The following ZNF48 variants were observed in gnomAD, a reference collection of about 807,000 sequenced individuals.
ZNF48 encodes zinc finger protein 553.
ZNF48 carries 20 observed loss-of-function variants against 40.0 expected under a neutral mutation model. The ratio of observed to expected loss-of-function variants is 0.50; its 90% CI spans 0.35 to 0.73. ZNF48 has a LOEUF of 0.73. ZNF48 is among the 30% of genes least tolerant of loss of function. ZNF48 has a pLI of 0.01. For missense variants in ZNF48, 726 were observed against 851.9 expected (o/e 0.85, Z 1.84); for synonymous variants, 298 against 329.7 (o/e 0.90, Z 1.04).
chr16:30,392,828 A>G (rs2049953003), upstream of ZNF48, among the ~76,000 whole-genome samples: 2 of 152,196 alleles, frequency 1.3e-5, no homozygotes, highest in Admixed American at 1.3e-4. Flanking sequence ...CATACAGTCA[A>G]TATAGAACCT....
intron 1 of ZNF48, chr16:30,380,944 T>C: frequency 1.5e-6 from 1 of 659,352 alleles, no homozygotes; most frequent in South Asian, 1.8e-5. Context: ...ATATGTAGCC[T>C]ATTTTGAGCC....
In ZNF48 at chr16:30,389,036, G is replaced by A. The variant is rs549490097; in HGVS notation, c.-15-6744G>A. On this transcript the variant is annotated intron_variant, in intron 1 of 2. Coordinates refer to the ZNF48 transcript ENST00000528032. The stretch of plus-strand genomic sequence containing the variant: ...AGCACTTTGGGAAGCTGAGGCAGGC[G>A]GATCATGAGATCAGGAGTTCGAGAC... Among the ~76,000 whole-genome samples, 9 of 152,268 alleles carry A rather than the reference G, an allele frequency of 5.9e-5. No individual in the cohort carries two copies. In the South Asian group the frequency reaches 6.2e-4, roughly 11 times the overall value.
intron 1 of ZNF48, among the ~76,000 whole-genome samples, chr16:30,383,450 A>G (rs1218948222): frequency 2.6e-5 from 4 of 152,100 alleles, no homozygotes; most frequent in Admixed American, 6.6e-5. Context: ...CGGCCTCCCA[A>G]ACTGCTGGGA....
At chr16:30,378,579 TCGGTCGGGGGGAAG>T in intron 1 of ZNF48, 1 of 1,608,574 alleles carries the variant, frequency 6.2e-7, no homozygotes, top group Non-Finnish European at 8.5e-7. Flanking sequence ...ACCTGGGGCA[TCGGTCGGGGGGAAG>T]CGAGGTGCGT....
Position 30,382,583 on chromosome 16 carries a change from A to G in ZNF48, c.-16+4173A>G, listed in dbSNP as rs762572616. The G allele has an allele frequency of 6.4e-7, 1 of 1,569,822 alleles. No individual in the cohort carries two copies. Among genetic ancestry groups the G allele is most frequent in the South Asian group, 1.2e-5 (1 of 85,652 alleles). ...CTCTCCCCACTTCCTCTGGTGGGGC[A>G]GGAAGCTGAGTGCGGCTAACAAGGG... On this transcript the variant is annotated intron_variant, in intron 1 of 2. Coordinates refer to the ZNF48 transcript ENST00000528032. This position sits in a 1 kb window ranked among gnomAD's most constrained non-coding sequence, Gnocchi z 4.8.
Position 30,398,283 on chromosome 16 carries a change from G to T in ZNF48, c.1033G>T (p.Ala345Ser). ...ECGKGFADSS[A>S]RVKHLRTHSG... is the part of the protein sequence containing the mutation. ...CGGCAAAGGTTTCGCGGACAGCTCC[G>T]CCCGAGTCAAACACCTCCGCACCCA... is the stretch of plus-strand genomic sequence containing the variant. The change falls in exon 3 of 3, where the codon GCC (alanine) becomes TCC (serine). Residue 345 changes from alanine to serine, a missense_variant. Physicochemically the swap from Ala to Ser is moderately conservative, Grantham distance 99. Coordinates refer to ENST00000613509, the MANE Select transcript of ZNF48 (RefSeq NM_001214909.2). The surrounding 1 kb of genome is among the most constrained non-coding windows in gnomAD (Gnocchi z 6.6). 6.2e-7 allele frequency: 1 copy of T among 1,613,362 alleles called. No individual in the cohort carries two copies. The highest frequency in any genetic ancestry group is 1.3e-5 in the African/African-American group (1 of 75,032).
upstream of ZNF48, among the ~76,000 whole-genome samples, chr16:30,390,974 C>T (rs2049938408): frequency 6.6e-6 from 1 of 151,932 alleles, no homozygotes; most frequent in Non-Finnish European, 1.5e-5. Context: ...CTCCTGACCT[C>T]GTGATCTGCC....
chr16:30,391,931 G>A (rs952796930), upstream of ZNF48, among the ~76,000 whole-genome samples: 2 of 151,766 alleles, frequency 1.3e-5, no homozygotes, highest in Non-Finnish European at 2.9e-5. Context: ...TTCACCTCCC[G>A]CGCCCAAGAG....
chr16:30,379,316 C>G, intron 1 of ZNF48: 1 of 1,435,628 alleles, frequency 7.0e-7, no homozygotes, highest in Non-Finnish European at 9.7e-7. Context: ...CAGCGACCCC[C>G]CTTTCCTCCT....
intron 1 of ZNF48, chr16:30,380,505 T>C (rs2049829496): frequency 6.4e-6 from 1 of 157,342 alleles, no homozygotes; most frequent in Non-Finnish European, 1.4e-5. Flanking sequence ...TTTTACCATG[T>C]TGCCGTGGCT....
At chr16:30,395,246 C>T (rs1254122940), upstream of ZNF48, 2 of 456,152 alleles carry the variant, frequency 4.4e-6, no homozygotes, top group Non-Finnish European at 8.8e-6. This position sits in a 1 kb window ranked among gnomAD's most constrained non-coding sequence, Gnocchi z 5.9. Context: ...CCAGGAGGCA[C>T]ACGGTTAATA....
intron 1 of ZNF48, chr16:30,379,022 G>T: frequency 1.2e-6 from 2 of 1,612,742 alleles, no homozygotes; most frequent in Non-Finnish European, 1.7e-6. Context: ...TCTCACCTGC[G>T]GCTGGCTCGA....
In ZNF48 at chr16:30,382,443, A is replaced by C. The variant is rs2049863745; in HGVS notation, c.-16+4033A>C. ...CCAGGATCACTTGAGTTCCTGGGCT[A>C]GGAAGAGTCAGTGGGGTCTGGGGAC... On this transcript the variant is annotated intron_variant, in intron 1 of 2. Transcript: ENST00000528032. The surrounding 1 kb of genome is among the most constrained non-coding windows in gnomAD (Gnocchi z 4.8). The C allele has an allele frequency of 1.3e-6, 2 of 1,568,588 alleles. No individual in the cohort carries two copies. The highest frequency in any genetic ancestry group is 2.3e-5 in the East Asian group (1 of 44,400).
In ZNF48 at chr16:30,397,239, G is replaced by T; in HGVS notation, c.80-91G>T. On this transcript the variant is annotated intron_variant, in intron 2 of 2. Coordinates refer to ENST00000613509, the MANE Select transcript of ZNF48 (RefSeq NM_001214909.2). This position sits in a 1 kb window ranked among gnomAD's most constrained non-coding sequence, Gnocchi z 4.1. ...AGAGATTGGGGTTCCTGTGACCACA[G>T]ATTGTCAAGGGAGTCTTCCTGGAGA... 2 of 1,199,086 alleles carry T rather than the reference G, an allele frequency of 1.7e-6. No homozygotes were observed. Among genetic ancestry groups the T allele is most frequent in the Non-Finnish European group, 2.4e-6 (2 of 850,524 alleles). 74.3% of individuals were successfully genotyped at this position (1,199,086 alleles called of 1,614,324 possible).
At position 30,385,626 on chromosome 16, in the gene ZNF48, A is replaced by G. The variant is rs1319575779; in HGVS notation, c.-16+7216A>G. 4.6e-5 allele frequency among the ~76,000 whole-genome samples: 7 copies of G among 151,866 alleles called. 1 individual carries two copies. Among genetic ancestry groups the G allele is most frequent in the Admixed American group, 1.3e-4 (2 of 15,238 alleles). The stretch of plus-strand genomic sequence containing the variant: ...GCGACAGAGCAAGACTCTGTCTCAA[A>G]AAAAAGGAAAAAAAACTTTCTGAAC... On this transcript the variant is annotated intron_variant, in intron 1 of 2. Coordinates refer to the ZNF48 transcript ENST00000528032.
At chr16:30,390,627 T>G (rs2049935564), upstream of ZNF48, among the ~76,000 whole-genome samples, 1 of 83,570 alleles carries the variant, frequency 1.2e-5, no homozygotes, top group African/African-American at 3.2e-5. Context: ...TTTTTTTTTT[T>G]TTTTTTTTTT....
At chr16:30,386,763 C>G (rs1295712767) in intron 1 of ZNF48, among the ~76,000 whole-genome samples, 2 of 151,696 alleles carry the variant, frequency 1.3e-5, no homozygotes, top group African/African-American at 4.8e-5. Context: ...CTCCCGGGTT[C>G]AAGTGATTTT....
chr16:30,380,162 G>A, intron 1 of ZNF48: 1 of 634,928 alleles, frequency 1.6e-6, no homozygotes, highest in Non-Finnish European at 2.5e-6. Context: ...AGACAGAGAT[G>A]GGGAGAGATG....
At chr16:30,385,353 G>A (rs571514578) in intron 1 of ZNF48, among the ~76,000 whole-genome samples, 1 of 152,130 alleles carries the variant, frequency 6.6e-6, no homozygotes, top group Non-Finnish European at 1.5e-5. Context: ...TCAGCCGGGT[G>A]TGGTGGTTCA....
Sources: allele counts gnomAD v4.1 joint callset (sites outside exome capture counted in the v4.1 genomes callset), GRCh38; gene constraint gnomAD v4.1.1; non-coding constraint Gnocchi (gnomAD v3.1); transcripts MANE v1.5; gene names NCBI Gene and HGNC (gene_info 2026-07-23, HGNC 2026-07-21).